The following APBB2 variants were observed in gnomAD, a reference collection of about 807,000 sequenced individuals.
The protein encoded by APBB2 is Fe65-like 1.
In APBB2, 38 loss-of-function variants were observed where a neutral mutation model predicts 82.5. The ratio of observed to expected loss-of-function variants is 0.46; its 90% CI spans 0.36 to 0.60. The LOEUF (loss-of-function observed/expected upper bound fraction) is 0.60, where lower values mean the gene tolerates loss of function less well. Among genes scored for constraint, APBB2 ranks in the 20% least tolerant of loss-of-function variants. The probability of loss-of-function intolerance (pLI) is 0.00; values close to 1 mark genes in which losing one functional copy is unlikely to be tolerated. For missense variants in APBB2, 772 were observed against 972.3 expected, an observed-to-expected ratio of 0.79 and a Z score of 2.74; for synonymous variants, 341 against 368.2, an observed-to-expected ratio of 0.93 and a Z score of 0.85.
chr4:40,991,179 T>C (rs1333048389), intron 6 of APBB2, among the ~76,000 whole-genome samples: 2 of 38,936 alleles, frequency 5.1e-5, no homozygotes, highest in Admixed American at 5.6e-4. Context: ...GTTTTGCTTT[T>C]TTTTTTTTTT....
At chr4:41,067,340 C>T (rs755543954) in intron 3 of APBB2, among the ~76,000 whole-genome samples, 1 of 150,236 alleles carries the variant, frequency 6.7e-6, no homozygotes, top group Non-Finnish European at 1.5e-5. Flanking sequence ...ACCTGGGAGG[C>T]GGAGGTTGTA....
chr4:40,930,142 TATG>T (rs1783709704), intron 10 of APBB2, among the ~76,000 whole-genome samples: 1 of 152,148 alleles, frequency 6.6e-6, no homozygotes, highest in African/African-American at 2.4e-5. Context: ...TAGCAAATAA[TATG>T]ATATCAATAT....
chr4:41,169,385 C>T (rs1560942368), intron 1 of APBB2, among the ~76,000 whole-genome samples: 1 of 152,048 alleles, frequency 6.6e-6, no homozygotes, highest in Non-Finnish European at 1.5e-5. Flanking sequence ...GACGCAAAAT[C>T]AGATAAAAGC....
chr4:40,900,682 C>G (rs971089920), intron 10 of APBB2, among the ~76,000 whole-genome samples: 1 of 151,816 alleles, frequency 6.6e-6, no homozygotes, highest in African/African-American at 2.4e-5. Flanking sequence ...GTCTCCAACT[C>G]CTGACCTCAA....
chr4:41,134,363 A>G (rs1756962713), intron 2 of APBB2, among the ~76,000 whole-genome samples: 1 of 152,102 alleles, frequency 6.6e-6, no homozygotes, highest in Non-Finnish European at 1.5e-5. Context: ...GCTGATCACA[A>G]GGTCAGGAGA....
intron 17 of APBB2, among the ~76,000 whole-genome samples, chr4:40,819,347 G>A (rs1328445040): frequency 3.3e-5 from 5 of 151,884 alleles, no homozygotes; most frequent in East Asian, 1.9e-4. Flanking sequence ...CACCACGCTC[G>A]GCTAATTTTT....
intron 2 of APBB2, among the ~76,000 whole-genome samples, chr4:41,135,074 A>G (rs1457799856): frequency 6.6e-6 from 1 of 151,808 alleles, no homozygotes; most frequent in African/African-American, 2.4e-5. Flanking sequence ...TCCTCAAGTC[A>G]CTAATTACTG....
At chr4:41,195,897 A>C in intron 1 of APBB2, among the ~76,000 whole-genome samples, 2 of 152,198 alleles carry the variant, frequency 1.3e-5, no homozygotes, top group Admixed American at 1.3e-4. Flanking sequence ...TCAGTGGCTC[A>C]TGCCTGTAAT....
chr4:40,913,835 A>G (rs1779170140), intron 10 of APBB2, among the ~76,000 whole-genome samples: 1 of 152,090 alleles, frequency 6.6e-6, no homozygotes, highest in African/African-American at 2.4e-5. Flanking sequence ...AAGTGCGAGA[A>G]GGCTATGAGG....
intron 3 of APBB2, among the ~76,000 whole-genome samples, chr4:41,093,195 A>G (rs1193906242): frequency 1.3e-5 from 2 of 152,212 alleles, no homozygotes; most frequent in Admixed American, 1.3e-4. Flanking sequence ...CATTTTCTTA[A>G]AAGCCATCAT....
chr4:40,905,956 T>G (rs190721207), intron 10 of APBB2, among the ~76,000 whole-genome samples: 100 of 152,264 alleles, frequency 6.6e-4, no homozygotes, highest in African/African-American at 2.3e-3. Context: ...GTCAGTGGTC[T>G]GAGGCCATGC....
chr4:41,114,758 C>T (rs1750393975), intron 2 of APBB2, among the ~76,000 whole-genome samples: 1 of 152,140 alleles, frequency 6.6e-6, no homozygotes, highest in Admixed American at 6.5e-5. Context: ...AGGAATCCAA[C>T]TTACAAGGGA....
At chr4:40,983,080 T>C (rs1458031547) in intron 6 of APBB2, among the ~76,000 whole-genome samples, 3 of 152,326 alleles carry the variant, frequency 2.0e-5, no homozygotes, top group East Asian at 3.9e-4. Flanking sequence ...GCACTTACCA[T>C]GAATTAACTA....
chr4:41,189,140 T>TCTGTTC (rs1773728744), intron 1 of APBB2, among the ~76,000 whole-genome samples: 1 of 152,162 alleles, frequency 6.6e-6, no homozygotes, highest in Admixed American at 6.5e-5. Flanking sequence ...AAACCAAATG[T>TCTGTTC]CTGTCAACAG....
At chr4:41,146,872 G>C (rs771827832) in intron 1 of APBB2, among the ~76,000 whole-genome samples, 1 of 152,180 alleles carries the variant, frequency 6.6e-6, no homozygotes, top group Admixed American at 6.5e-5. Context: ...GCATAAAGCC[G>C]CGGCCCGGGC....
chr4:41,190,313 G>A (rs1560992859), intron 1 of APBB2, among the ~76,000 whole-genome samples: 2 of 130,438 alleles, frequency 1.5e-5, no homozygotes, highest in African/African-American at 2.9e-5. Flanking sequence ...GCGCAGTGCC[G>A]CGATCTCGGC....
At chr4:40,926,232 G>A (rs987451374) in intron 10 of APBB2, among the ~76,000 whole-genome samples, 1 of 152,142 alleles carries the variant, frequency 6.6e-6, no homozygotes, top group Non-Finnish European at 1.5e-5. Flanking sequence ...GGTATCACCT[G>A]CAAACTTAAC....
chr4:41,143,281 C>G (rs919501450), intron 1 of APBB2, 139 bp from the exon 2 acceptor site: 2 of 152,160 alleles, frequency 1.3e-5, no homozygotes, highest in African/African-American at 2.4e-5. Context: ...CAACAGCTTA[C>G]AAGGTATCCT....
Position 41,203,085 on chromosome 4 carries a change from G to T in APBB2, c.-417+11320C>A, listed in dbSNP as rs562130950. Among the ~76,000 whole-genome samples, 210 of 151,036 alleles carry T rather than the reference G, an allele frequency of 1.4e-3. 2 individuals are homozygous for T. The highest frequency in any genetic ancestry group is 6.8e-3 in the Middle Eastern group (2 of 292). Reference sequence around the variant, plus strand: ...TCTCCTCAGTTTTTTTTTTTAATTGGTTTTTCTTGCAATCCACATGTTTTC... The same window carrying T: ...TCTCCTCAGTTTTTTTTTTTAATTGTTTTTTCTTGCAATCCACATGTTTTC... On this transcript the variant is annotated intron_variant, in intron 1 of 17. Transcript: ENST00000508593.
Sources: allele counts gnomAD v4.1 joint callset (sites outside exome capture counted in the v4.1 genomes callset), GRCh38; gene constraint gnomAD v4.1.1; transcripts MANE v1.5; gene names NCBI Gene and HGNC (gene_info 2026-07-23, HGNC 2026-07-21).